The following DSE variants were observed in gnomAD, a reference collection of about 807,000 sequenced individuals.
DSE encodes the protein dermatan-sulfate epimerase.
A neutral mutation model predicts 84.4 loss-of-function variants in DSE; 36 were observed. The observed-to-expected ratio is 0.43, with a 90% CI of 0.33 to 0.56. The LOEUF (loss-of-function observed/expected upper bound fraction) is 0.56, where lower values mean the gene tolerates loss of function less well. Ranked by LOEUF, DSE falls within the 20% of genes least tolerant of loss-of-function variation. The pLI is 0.06. For missense variants in DSE, 862 were observed against 1,169.6 expected (o/e 0.74, Z 3.84); for synonymous variants, 410 against 430.1 (o/e 0.95, Z 0.58).
At chr6:116,304,208 A>G (rs1775211971) in intron 2 of DSE, among the ~76,000 whole-genome samples, 1 of 152,166 alleles carries the variant, frequency 6.6e-6, no homozygotes, top group South Asian at 2.1e-4. Flanking sequence ...CCAGATACGA[A>G]GTGTCAAAGA....
At chr6:116,316,175 A>G (rs1340897223) in intron 2 of DSE, among the ~76,000 whole-genome samples, 1 of 152,194 alleles carries the variant, frequency 6.6e-6, no homozygotes, top group Admixed American at 6.5e-5. Flanking sequence ...AATTTTATAA[A>G]TCTTTAAAAT....
chr6:116,258,580 T>G, exon 2 of DSE: 1 of 1,602,708 alleles, frequency 6.2e-7, no homozygotes, highest in Non-Finnish European at 8.5e-7. Flanking sequence ...CTTGGCAGCA[T>G]TGATGAGCTC....
At chr6:116,320,326 G>A (rs1425035478) in intron 2 of DSE, among the ~76,000 whole-genome samples, 3 of 151,800 alleles carry the variant, frequency 2.0e-5, no homozygotes, top group Non-Finnish European at 4.4e-5. Flanking sequence ...TCTGAATCTT[G>A]TTTTCTCCTT....
intron 2 of DSE, among the ~76,000 whole-genome samples, chr6:116,307,500 G>T (rs1775426204): frequency 6.6e-6 from 1 of 152,136 alleles, no homozygotes; most frequent in Admixed American, 6.5e-5. Flanking sequence ...ATTTTATATG[G>T]ATATGAACTA....
intron 2 of DSE, among the ~76,000 whole-genome samples, chr6:116,415,697 T>C (rs1398632335): frequency 6.6e-6 from 1 of 152,106 alleles, no homozygotes; most frequent in Admixed American, 6.5e-5. Flanking sequence ...TTTATTGCAC[T>C]TACCTTCCTG....
intron 2 of DSE, among the ~76,000 whole-genome samples, chr6:116,339,186 C>G (rs114024193): frequency 6.6e-6 from 1 of 152,148 alleles, no homozygotes; most frequent in Admixed American, 6.5e-5. Context: ...TTTTCATCTC[C>G]CATAGCTGAT....
rs918825629 is a variant in DSE, at chr6:116,440,811, C to A, written c.*3466C>A. On this transcript the variant is annotated 3_prime_UTR_variant, in exon 6 of 6. Coordinates refer to ENST00000644252, the MANE Select transcript of DSE (RefSeq NM_013352.4). The stretch of plus-strand genomic sequence containing the variant: ...AAAGGAGTTAGGGAAGTCTGAAGGT[C>A]TAACTCAAAGTTTGATGCTTTTTAA... The A allele has an allele frequency of 6.6e-6, 1 of 152,146 alleles. No homozygotes were observed. Among genetic ancestry groups the A allele is most frequent in the Non-Finnish European group, 1.5e-5 (1 of 68,038 alleles). The allele number at this position is 152,146 out of a possible 1,614,324, so 9.4% of individuals were successfully genotyped here.
At chr6:116,322,276 T>C (rs1428029663) in intron 2 of DSE, among the ~76,000 whole-genome samples, 1 of 152,172 alleles carries the variant, frequency 6.6e-6, no homozygotes, top group Non-Finnish European at 1.5e-5. Flanking sequence ...GCCCAGGGTG[T>C]GGCGCCGGGC....
At chr6:116,308,736 G>A (rs1041071730) in intron 2 of DSE, among the ~76,000 whole-genome samples, 2 of 151,830 alleles carry the variant, frequency 1.3e-5, no homozygotes, top group Admixed American at 6.6e-5. Context: ...GGAGTGCAGT[G>A]GCATGATCTC....
intron 2 of DSE, among the ~76,000 whole-genome samples, chr6:116,340,894 G>A (rs1449115425): frequency 6.6e-6 from 1 of 152,188 alleles, no homozygotes; most frequent in Non-Finnish European, 1.5e-5. Flanking sequence ...ATCAATGATG[G>A]ACATTTGGGT....
chr6:116,330,128 A>G (rs982130083), intron 2 of DSE, among the ~76,000 whole-genome samples: 1 of 152,142 alleles, frequency 6.6e-6, no homozygotes, highest in African/African-American at 2.4e-5. Flanking sequence ...CCTGGCCCAT[A>G]CTAATGTACT....
chr6:116,409,036 AC>A (rs1782121273), intron 2 of DSE, among the ~76,000 whole-genome samples: 1 of 152,160 alleles, frequency 6.6e-6, no homozygotes. Flanking sequence ...TGAGAATGTT[AC>A]TTGACTTCTC....
At chr6:116,429,792 C>CA (rs555278862) in intron 3 of DSE, among the ~76,000 whole-genome samples, 6,613 of 59,660 alleles carry the variant, frequency 0.11, 2,638 homozygotes, top group Non-Finnish European at 0.15. Flanking sequence ...ACTAAAAATA[C>CA]AAAAAAAAAA....
At chr6:116,259,270 G>A in intron 2 of DSE, 1 of 569,946 alleles carries the variant, frequency 1.8e-6, no homozygotes. Flanking sequence ...GCTTTGACAT[G>A]CCAGCACTTT....
chr6:116,428,714 GA>G (rs1486980488), intron 3 of DSE, among the ~76,000 whole-genome samples: 1 of 152,116 alleles, frequency 6.6e-6, no homozygotes, highest in Non-Finnish European at 1.5e-5. Flanking sequence ...CCCAGAGAGT[GA>G]AATAAAAGAT....
chr6:116,319,242 G>C (rs536540424), intron 2 of DSE, among the ~76,000 whole-genome samples: 2 of 152,330 alleles, frequency 1.3e-5, no homozygotes, highest in African/African-American at 4.8e-5. Context: ...AGTCAGAGTA[G>C]ATAGGTTATG....
intron 2 of DSE, among the ~76,000 whole-genome samples, chr6:116,319,006 T>C (rs1238611854): frequency 6.6e-6 from 1 of 152,236 alleles, no homozygotes; most frequent in Non-Finnish European, 1.5e-5. Context: ...AATGCTTCAG[T>C]AGTCTCTTCT....
intron 2 of DSE, among the ~76,000 whole-genome samples, chr6:116,357,247 T>C (rs1444838692): frequency 2.6e-5 from 4 of 152,110 alleles, no homozygotes; most frequent in African/African-American, 9.7e-5. Context: ...AAAAACAAGT[T>C]ATCAGCCGGG....
At position 116,443,738 on chromosome 6, in the gene DSE, A is replaced by G. The variant is rs1228480650; in HGVS notation, c.*6393A>G. The G allele has an allele frequency of 1.3e-5, 2 of 152,230 alleles. No individual in the cohort carries two copies. Among genetic ancestry groups the G allele is most frequent in the African/African-American group, 4.8e-5 (2 of 41,458 alleles). 9.4% of individuals were successfully genotyped at this position (152,230 alleles called of 1,614,324 possible). A position where few individuals can be genotyped will look rare whatever the true frequency, so the allele number is the denominator to read the frequency against. ...TCTTAAGAAAAGAGCTTCTAAAAAC[A>G]TTCAGTCAGCCCAGCACATTCCAAA... On this transcript the variant is annotated 3_prime_UTR_variant, in exon 6 of 6. Transcript: ENST00000644252.
Sources: allele counts gnomAD v4.1 joint callset (sites outside exome capture counted in the v4.1 genomes callset), GRCh38; gene constraint gnomAD v4.1.1; transcripts MANE v1.5; gene names NCBI Gene and HGNC (gene_info 2026-07-23, HGNC 2026-07-21).